Variants in MAF observed in about 807,000 individuals in gnomAD.
MAF encodes MAF bZIP transcription factor.
Under a neutral mutation model 22.0 loss-of-function variants are expected in MAF, and 10 were observed. That is an observed-to-expected ratio of 0.45 (90% CI 0.28 to 0.77). MAF has a LOEUF of 0.77. Among genes scored for constraint, MAF ranks in the 30% least tolerant of loss-of-function variants. MAF has a pLI of 0.12. For synonymous variants in MAF, 337 were observed against 255.8 expected (o/e 1.32, Z -3.03); for missense variants, 544 against 548.4 (o/e 0.99, Z 0.08).
the MAF span, among the ~76,000 whole-genome samples, chr16:79,426,041 C>A: frequency 4.3e-4 from 65 of 152,194 alleles, no homozygotes; most frequent in African/African-American, 1.6e-3. Flanking sequence ...CCTGTCTCTA[C>A]TAAAAATACA....
At chr16:79,451,254 T>C in the MAF span, among the ~76,000 whole-genome samples, 4 of 152,212 alleles carry the variant, frequency 2.6e-5, no homozygotes, top group East Asian at 5.8e-4. Context: ...CTAATTCATG[T>C]AGTTATGTGG....
the MAF span, among the ~76,000 whole-genome samples, chr16:79,477,301 G>C: frequency 6.6e-6 from 1 of 152,188 alleles, no homozygotes; most frequent in Non-Finnish European, 1.5e-5. Context: ...CCTGGAGCAT[G>C]GGTTTGAGGA....
chr16:79,487,206 C>CAAAAAAAA, the MAF span, among the ~76,000 whole-genome samples: 1 of 131,750 alleles, frequency 7.6e-6, no homozygotes. Context: ...TGAACTAGTG[C>CAAAAAAAA]AAAAAAAAAA....
At chr16:79,556,458 C>T in the MAF span, among the ~76,000 whole-genome samples, 1 of 152,180 alleles carries the variant, frequency 6.6e-6, no homozygotes, top group Non-Finnish European at 1.5e-5. Context: ...CGGTCCCTGG[C>T]CATTGTTGCC....
At chr16:79,361,014 C>T in the MAF span, among the ~76,000 whole-genome samples, 1 of 152,202 alleles carries the variant, frequency 6.6e-6, no homozygotes, top group Non-Finnish European at 1.5e-5. Context: ...CACCCCCCAG[C>T]AATATTTATG....
the MAF span, among the ~76,000 whole-genome samples, chr16:79,259,095 G>A: frequency 6.6e-6 from 1 of 152,138 alleles, no homozygotes; most frequent in African/African-American, 2.4e-5. Context: ...GTGTCTGCTT[G>A]TAGCACTTCG....
At chr16:79,463,659 G>A in the MAF span, among the ~76,000 whole-genome samples, 2 of 152,280 alleles carry the variant, frequency 1.3e-5, 1 homozygote, top group Non-Finnish European at 2.9e-5. Flanking sequence ...GTCAGAGCAG[G>A]TGAGCCCATT....
chr16:79,343,887 C>T, the MAF span, among the ~76,000 whole-genome samples: 2 of 152,138 alleles, frequency 1.3e-5, no homozygotes, highest in Non-Finnish European at 2.9e-5. Flanking sequence ...CAGGGTGTGG[C>T]TCTGACAGTT....
the MAF span, among the ~76,000 whole-genome samples, chr16:79,349,237 C>G: frequency 6.6e-6 from 1 of 152,180 alleles, no homozygotes; most frequent in African/African-American, 2.4e-5. Flanking sequence ...TAAGTCACCC[C>G]GAGTCTGAAT....
the MAF span, among the ~76,000 whole-genome samples, chr16:79,411,959 T>C: frequency 1.3e-5 from 2 of 152,176 alleles, no homozygotes; most frequent in Non-Finnish European, 2.9e-5. Context: ...GAAAGCTCCA[T>C]AAGTGGCAGT....
chr16:79,358,554 C>T, the MAF span, among the ~76,000 whole-genome samples: 2 of 152,098 alleles, frequency 1.3e-5, no homozygotes, highest in East Asian at 3.9e-4. Flanking sequence ...GGATGGGAGG[C>T]GTGAGACTGC....
chr16:79,481,917 G>A, the MAF span, among the ~76,000 whole-genome samples: 1 of 152,148 alleles, frequency 6.6e-6, no homozygotes, highest in Non-Finnish European at 1.5e-5. Flanking sequence ...CGAAGCAGGT[G>A]CGACCTGCTC....
At chr16:79,215,376 A>T in the MAF span, among the ~76,000 whole-genome samples, 1 of 152,172 alleles carries the variant, frequency 6.6e-6, no homozygotes, top group African/African-American at 2.4e-5. Context: ...ACCATCTTAA[A>T]ATCTTAGGCT....
chr16:79,305,870 C>A, the MAF span, among the ~76,000 whole-genome samples: 1 of 152,208 alleles, frequency 6.6e-6, no homozygotes, highest in African/African-American at 2.4e-5. Context: ...GCAGGCTTCA[C>A]AGCCACTGCG....
chr16:79,331,692 G>T, the MAF span, among the ~76,000 whole-genome samples: 1,763 of 152,268 alleles, frequency 0.012, 24 homozygotes, highest in African/African-American at 0.04. Context: ...CCAGCTCTTG[G>T]AGAGTAAGAT....
At chr16:79,494,701 T>G in the MAF span, among the ~76,000 whole-genome samples, 2 of 152,136 alleles carry the variant, frequency 1.3e-5, no homozygotes, top group Non-Finnish European at 2.9e-5. Context: ...CCTCTAATTC[T>G]CAGCAGACAC....
At chr16:79,595,481 G>A (rs940546812) in intron 1 of MAF, 1 of 1,059,072 alleles carries the variant, frequency 9.4e-7, no homozygotes, top group African/African-American at 1.6e-5. Context: ...TTTCAAAACA[G>A]TGCTGGCTTT....
the MAF span, among the ~76,000 whole-genome samples, chr16:79,351,722 C>A: frequency 2.0e-5 from 3 of 151,992 alleles, no homozygotes; most frequent in Admixed American, 2.0e-4. Flanking sequence ...CATTGCCCAC[C>A]CCACTGAGGT....
the MAF span, among the ~76,000 whole-genome samples, chr16:79,310,959 G>A: frequency 1.3e-5 from 2 of 152,146 alleles, no homozygotes; most frequent in Non-Finnish European, 2.9e-5. Context: ...AACTGCCTTG[G>A]CTCCACTGCT....
Sources: allele counts gnomAD v4.1 joint callset (sites outside exome capture counted in the v4.1 genomes callset), GRCh38; gene constraint gnomAD v4.1.1; transcripts MANE v1.5; gene names NCBI Gene and HGNC (gene_info 2026-07-23, HGNC 2026-07-21).